PRICKLE2: variants seen among roughly 807,000 people sequenced by gnomAD.
PRICKLE2 encodes the protein prickle-like protein 2.
In PRICKLE2, 21 loss-of-function variants were observed where a neutral mutation model predicts 81.4. The observed-to-expected ratio is 0.26, with a 90% confidence interval of 0.18 to 0.37. The LOEUF (loss-of-function observed/expected upper bound fraction) is 0.37. PRICKLE2 is among the 10% of genes least tolerant of loss of function. The pLI is 1.00. For synonymous variants in PRICKLE2, 456 were observed against 421.5 expected (o/e 1.08, Z -1.00); for missense variants, 940 against 1,109.0 (o/e 0.85, Z 2.16).
At chr3:64,263,978 G>C (rs2079656411) in intron 2 of PRICKLE2, among the ~76,000 whole-genome samples, 1 of 152,146 alleles carries the variant, frequency 6.6e-6, no homozygotes. Context: ...AGAGAAGCAG[G>C]CTTCGGCAGA....
At chr3:64,234,642 T>C (rs994127877) in intron 2 of PRICKLE2, among the ~76,000 whole-genome samples, 1 of 152,188 alleles carries the variant, frequency 6.6e-6, no homozygotes, top group African/African-American at 2.4e-5. Flanking sequence ...CTTTGAAGCA[T>C]AAAGATTTCT....
At chr3:64,209,472 C>T (rs576824096) in intron 1 of PRICKLE2, among the ~76,000 whole-genome samples, 1 of 152,034 alleles carries the variant, frequency 6.6e-6, no homozygotes, top group Non-Finnish European at 1.5e-5. Context: ...CCATTCATAT[C>T]CATACATACA....
chr3:64,148,655 G>C lies in PRICKLE2; in HGVS notation c.788-953C>G, dbSNP rs139457599. ...GGCATTAGGAGATGGAGCTTTTTGG[G>C]AGGTGACTAGGTCATGAGAGTGGAT... On this transcript the variant is annotated intron_variant, in intron 6 of 7. Transcript: ENST00000638394. 5.9e-5 allele frequency among the ~76,000 whole-genome samples: 9 copies of C among 152,292 alleles called. No individual in the cohort carries two copies. The East Asian group carries it at 1.7e-3, about 29-fold the overall frequency.
chr3:64,151,884 T>A (rs1248549012), intron 6 of PRICKLE2, among the ~76,000 whole-genome samples: 1 of 152,190 alleles, frequency 6.6e-6, no homozygotes, highest in Non-Finnish European at 1.5e-5. Flanking sequence ...GTGAGGTTTT[T>A]AGGGGTTAGG....
Position 64,096,083 on chromosome 3 carries a change from T to C in PRICKLE2, c.*2968A>G, listed in dbSNP as rs911699956. On this transcript the variant is annotated 3_prime_UTR_variant, in exon 8 of 8. Transcript: ENST00000638394. The stretch of plus-strand genomic sequence containing the variant: ...ACAAGCCAGCTATGTTGCTACTGAA[T>C]TGAGCAGCAATAGGAAATGAACTCA... The C allele has an allele frequency of 5.3e-5, 8 of 152,166 alleles. No individual in the cohort carries two copies. The highest frequency in any genetic ancestry group is 1.7e-4 in the African/African-American group (7 of 41,420). The allele number at this position is 152,166 out of a possible 1,614,324, so 9.4% of individuals were successfully genotyped here. A position where few individuals can be genotyped will look rare whatever the true frequency, so the allele number is the denominator to read the frequency against.
At chr3:64,174,305 G>A (rs1206921630) in intron 2 of PRICKLE2, 1 of 152,172 alleles carries the variant, frequency 6.6e-6, no homozygotes, top group Non-Finnish European at 1.5e-5. Context: ...GGGCTTCATT[G>A]TCCTTATCTC....
At chr3:64,249,255 G>C (rs1198017703) in intron 2 of PRICKLE2, among the ~76,000 whole-genome samples, 1 of 147,802 alleles carries the variant, frequency 6.8e-6, no homozygotes, top group Non-Finnish European at 1.5e-5. Flanking sequence ...GAAAGCGAAG[G>C]GGGAGCTGCC....
chr3:64,247,749 T>C (rs1036730617), intron 2 of PRICKLE2, among the ~76,000 whole-genome samples: 1 of 152,230 alleles, frequency 6.6e-6, no homozygotes, highest in African/African-American at 2.4e-5. Flanking sequence ...TCTTTAGCAA[T>C]GCACTGAGAT....
intron 7 of PRICKLE2, among the ~76,000 whole-genome samples, chr3:64,116,444 G>C (rs1470766013): frequency 6.6e-6 from 1 of 151,608 alleles, no homozygotes; most frequent in Non-Finnish European, 1.5e-5. Flanking sequence ...AAAATAGATA[G>C]ACCACTAGCT....
intron 2 of PRICKLE2, among the ~76,000 whole-genome samples, chr3:64,238,472 C>T (rs959153683): frequency 2.4e-5 from 3 of 124,764 alleles, no homozygotes; most frequent in Admixed American, 9.8e-5. Flanking sequence ...GGCAACAGAA[C>T]GAGACTCCGT....
intron 2 of PRICKLE2, among the ~76,000 whole-genome samples, chr3:64,194,681 G>A (rs1455181566): frequency 2.0e-5 from 3 of 152,174 alleles, no homozygotes; most frequent in Admixed American, 6.5e-5. Context: ...ATTATCTACT[G>A]TAAATGTATC....
chr3:64,141,864 C>A, intron 7 of PRICKLE2: 1 of 985,032 alleles, frequency 1.0e-6, no homozygotes, highest in African/African-American at 1.7e-5. Context: ...AAAAAAGAAT[C>A]CATCATCTTG....
At chr3:64,205,822 G>A (rs1449693119) in intron 1 of PRICKLE2, among the ~76,000 whole-genome samples, 2 of 152,146 alleles carry the variant, frequency 1.3e-5, no homozygotes, top group African/African-American at 4.8e-5. Context: ...TGCCCAAGTT[G>A]ATGTGGAGAA....
chr3:64,247,250 T>C (rs1467708814), intron 2 of PRICKLE2, among the ~76,000 whole-genome samples: 1 of 152,160 alleles, frequency 6.6e-6, no homozygotes, highest in Non-Finnish European at 1.5e-5. Flanking sequence ...AACAGAAGAC[T>C]CCTAAAATAT....
At chr3:64,153,733 A>T (rs2077582306) in intron 5 of PRICKLE2, 1 of 270,478 alleles carries the variant, frequency 3.7e-6, no homozygotes, top group Non-Finnish European at 7.2e-6. Flanking sequence ...TTTTAAATGG[A>T]AAATATCATA....
intron 7 of PRICKLE2, chr3:64,106,044 C>T (rs1368588335): frequency 6.6e-6 from 1 of 152,224 alleles, no homozygotes. Flanking sequence ...AGAAACTGTG[C>T]TCCTGTTTGC....
intron 2 of PRICKLE2, among the ~76,000 whole-genome samples, chr3:64,189,567 G>A (rs1057299475): frequency 3.3e-5 from 5 of 152,238 alleles, no homozygotes; most frequent in Middle Eastern, 3.4e-3. Context: ...CGCTGACTGC[G>A]GCATCTTGGT....
At chr3:64,113,581 C>T (rs2076885315) in intron 7 of PRICKLE2, among the ~76,000 whole-genome samples, 1 of 152,152 alleles carries the variant, frequency 6.6e-6, no homozygotes, top group Admixed American at 6.6e-5. Context: ...CATCACTTTG[C>T]TGGCACATGT....
chr3:64,120,768 AG>A (rs1007708683), intron 7 of PRICKLE2, among the ~76,000 whole-genome samples: 4 of 152,148 alleles, frequency 2.6e-5, no homozygotes, highest in African/African-American at 7.2e-5. Context: ...GAGACCAACC[AG>A]GGGCTGTACC....
Sources: allele counts gnomAD v4.1 joint callset (sites outside exome capture counted in the v4.1 genomes callset), GRCh38; gene constraint gnomAD v4.1.1; transcripts MANE v1.5; gene names NCBI Gene and HGNC (gene_info 2026-07-23, HGNC 2026-07-21).